GDF6: variants seen among roughly 807,000 people sequenced by gnomAD.
GDF6 encodes the protein growth/differentiation factor 6.
GDF6 carries 3 observed loss-of-function variants against 32.4 expected under a neutral mutation model. That is an observed-to-expected ratio of 0.09 (90% CI 0.04 to 0.24). The LOEUF is 0.24. GDF6 is among the 10% of genes least tolerant of loss of function. The pLI, the probability that GDF6 is intolerant of heterozygous loss-of-function variation, is 1.00. For synonymous variants in GDF6, 296 were observed against 295.3 expected (o/e 1.00, Z -0.03); for missense variants, 589 against 637.9 (o/e 0.92, Z 0.83).
chr8:96,156,297 C>T (rs1322915338), intron 1 of GDF6, among the ~76,000 whole-genome samples: 7 of 151,836 alleles, frequency 4.6e-5, no homozygotes, highest in Admixed American at 4.6e-4. Flanking sequence ...TGTTTTTTCT[C>T]CTTGTTGGAA....
chr8:96,157,656 G>A (rs1563513768), intron 1 of GDF6, among the ~76,000 whole-genome samples: 1 of 152,198 alleles, frequency 6.6e-6, no homozygotes, highest in Admixed American at 6.5e-5. Flanking sequence ...GGACCCTAGG[G>A]GGGTTGGCGC....
At chr8:96,151,453 A>G (rs1239941446) in intron 1 of GDF6, among the ~76,000 whole-genome samples, 5 of 152,230 alleles carry the variant, frequency 3.3e-5, no homozygotes, top group African/African-American at 9.6e-5. Flanking sequence ...AGAGTGGGCA[A>G]TCTGGCTCCA....
chr8:96,156,744 A>T (rs1319295510), intron 1 of GDF6, among the ~76,000 whole-genome samples: 1 of 152,232 alleles, frequency 6.6e-6, no homozygotes, highest in Non-Finnish European at 1.5e-5. Context: ...TAAGAACAGG[A>T]GGAAGCAAAG....
Position 96,145,588 on chromosome 8 carries a change from G to C in GDF6, c.407-64C>G. The C allele has an allele frequency of 6.3e-7, 1 of 1,589,560 alleles. No homozygotes were observed. Among genetic ancestry groups the C allele is most frequent in the Non-Finnish European group, 8.5e-7 (1 of 1,174,520 alleles). ...GGGGGAGATCAGCCCGGTGCTCTTC[G>C]GCCGCCCCGGGAGGAAAAGGGCGGG... On this transcript the variant is annotated intron_variant, in intron 1 of 1. Coordinates refer to ENST00000287020, the MANE Select transcript of GDF6 (RefSeq NM_001001557.4). This position sits in a 1 kb window ranked among gnomAD's most constrained non-coding sequence, Gnocchi z 5.6.
rs1407916932 is a variant in GDF6 at position 96,144,695 on chromosome 8, G to A, written c.1236C>T (p.Pro412=). 1.9e-6 allele frequency: 3 copies of A among 1,614,016 alleles called. No individual in the cohort carries two copies. Among genetic ancestry groups the A allele is most frequent in the African/African-American group, 2.7e-5 (2 of 74,928 alleles). ...IIQTLMNSMD[P]GSTPPSCCVP... ...CGCAGCAGCTGGGCGGGGTGGAGCC[G>A]GGGTCCATGGAGTTCATCAGCGTCT... Residue 412 remains proline (P), a synonymous_variant, in exon 2 of 2, where the codon CCC becomes CCT. Coordinates refer to ENST00000287020, the MANE Select transcript of GDF6 (RefSeq NM_001001557.4). This position sits in a 1 kb window ranked among gnomAD's most constrained non-coding sequence, Gnocchi z 5.1.
chr8:96,150,087 A>C (rs1812542310), intron 1 of GDF6, among the ~76,000 whole-genome samples: 1 of 152,202 alleles, frequency 6.6e-6, no homozygotes, highest in Admixed American at 6.5e-5. Flanking sequence ...ATATATACTC[A>C]GCTTGAGGTC....
At position 96,160,349 on chromosome 8, in the gene GDF6, G is replaced by A. The variant is rs1303849119; in HGVS notation, c.344C>T (p.Ala115Val). 3.1e-6 allele frequency: 5 copies of A among 1,614,070 alleles called. No homozygotes were observed. The highest frequency in any genetic ancestry group is 1.7e-5 in the Admixed American group (1 of 60,010). Residue 115 changes from alanine to valine, a missense_variant, in exon 1 of 2, where the codon GCC becomes GTC. Around this residue, in one of 2 missense-constraint regions of GDF6, gnomAD observed 436 missense variants for 411.2 expected, o/e 1.06. Transcript: ENST00000287020. Reference protein sequence around the residue: ...YSIAEKLGINASFFQSSKSAN... With the variant: ...YSIAEKLGINVSFFQSSKSAN... Reference sequence around the variant, plus strand: ...CGACTTGGAAGACTGGAAAAAGCTGGCATTGATGCCCAGCTTCTCAGCGAT... The same window carrying A: ...CGACTTGGAAGACTGGAAAAAGCTGACATTGATGCCCAGCTTCTCAGCGAT...
Position 96,145,717 on chromosome 8 carries a change from A to G in GDF6, c.407-193T>C, listed in dbSNP as rs2130209087. The stretch of plus-strand genomic sequence containing the variant: ...CATGGCGCGGGGAAGGGGGCGCGCC[A>G]GGACGGGCCCCCTCCTTCGCGTCAG... On this transcript the variant is annotated intron_variant, in intron 1 of 1. Coordinates refer to ENST00000287020, the MANE Select transcript of GDF6 (RefSeq NM_001001557.4). This position sits in a 1 kb window ranked among gnomAD's most constrained non-coding sequence, Gnocchi z 5.6. Among the ~76,000 whole-genome samples the G allele has an allele frequency of 6.6e-6, 1 of 152,216 alleles. No homozygotes were observed. The highest frequency in any genetic ancestry group is 2.4e-5 in the African/African-American group (1 of 41,570).
At position 96,145,104 on chromosome 8, in the gene GDF6, G is replaced by T; in HGVS notation, c.827C>A (p.Ala276Asp). 6.6e-7 allele frequency: 1 copy of T among 1,521,614 alleles called. No homozygotes were observed. The highest frequency in any genetic ancestry group is 1.2e-5 in the South Asian group (1 of 80,698). The allele number at this position is 1,521,614 out of a possible 1,614,324, so 94.3% of individuals were successfully genotyped here. A position where few individuals can be genotyped will look rare whatever the true frequency, so the allele number is the denominator to read the frequency against. ...GRRVRPPQER[A>D]LLVVFTRSQR... Reference sequence around the variant, plus strand: ...GGATCTGGTGAATACCACCAGCAGGGCCCGCTCCTGGGGAGGCCGCACCCT... The same window carrying T: ...GGATCTGGTGAATACCACCAGCAGGTCCCGCTCCTGGGGAGGCCGCACCCT... Residue 276 changes from alanine (A) to aspartate (D), a missense_variant, in exon 2 of 2, where the codon GCC becomes GAC. By Grantham distance (126) the Ala-to-Asp change is moderately radical. Coordinates refer to ENST00000287020, the MANE Select transcript of GDF6 (RefSeq NM_001001557.4). This position sits in a 1 kb window ranked among gnomAD's most constrained non-coding sequence, Gnocchi z 5.6.
At chr8:96,147,220 C>G (rs114267638) in intron 1 of GDF6, among the ~76,000 whole-genome samples, 1,884 of 152,270 alleles carry the variant, frequency 0.012, 33 homozygotes, top group African/African-American at 0.043. Flanking sequence ...TTCACTCTTA[C>G]GCACATGCCC....
chr8:96,150,837 C>T (rs1812556719), intron 1 of GDF6, among the ~76,000 whole-genome samples: 1 of 152,182 alleles, frequency 6.6e-6, no homozygotes, highest in African/African-American at 2.4e-5. Flanking sequence ...TGGGTTCCCC[C>T]AGGATTTTTT....
chr8:96,152,359 G>T (rs752911428), intron 1 of GDF6, among the ~76,000 whole-genome samples: 1 of 152,150 alleles, frequency 6.6e-6, no homozygotes, highest in Non-Finnish European at 1.5e-5. Context: ...TTCTGCAGGG[G>T]TCAAGGCCAG....
chr8:96,145,468 G>A lies in GDF6; in HGVS notation c.463C>T (p.Leu155Phe), dbSNP rs773615024. The A allele has an allele frequency of 6.3e-7, 1 of 1,597,924 alleles. No individual in the cohort carries two copies. The highest frequency in any genetic ancestry group is 2.2e-5 in the East Asian group (1 of 44,864). The change falls in exon 2 of 2, where the codon CTC becomes TTC. Residue 155 changes from leucine to phenylalanine, a missense_variant. Around this residue, in one of 2 missense-constraint regions of GDF6, gnomAD observed 436 missense variants for 411.2 expected, o/e 1.06. Transcript: ENST00000287020. This position sits in a 1 kb window ranked among gnomAD's most constrained non-coding sequence, Gnocchi z 5.6. ...RQKYLFDVSM[L>F]SDKEELVGAE... ...CCCACCAGCTCTTCTTTGTCTGAGA[G>A]CATGGACACATCAAACAAATACTTC...
chr8:96,156,850 T>C (rs1425669153), intron 1 of GDF6, among the ~76,000 whole-genome samples: 1 of 152,206 alleles, frequency 6.6e-6, no homozygotes, highest in Non-Finnish European at 1.5e-5. Context: ...GGAAAATCTT[T>C]CCATTTTTTG....
chr8:96,145,440 G>A lies in GDF6; in HGVS notation c.491C>T (p.Ala164Val), dbSNP rs778557602. The A allele has an allele frequency of 2.5e-6, 4 of 1,595,926 alleles. No individual in the cohort carries two copies. Among genetic ancestry groups the A allele is most frequent in the East Asian group, 4.5e-5 (2 of 44,864 alleles). The stretch of plus-strand genomic sequence containing the variant: ...CGCCTGGCGAAAGAGCCGCAGCTCC[G>A]CGCCCACCAGCTCTTCTTTGTCTGA... ...MLSDKEELVG[A>V]ELRLFRQAPS... Residue 164 changes from alanine (A) to valine (V), a missense_variant, in exon 2 of 2, where the codon GCG becomes GTG. Ala to Val is a moderately conservative substitution (Grantham distance 64). Coordinates refer to ENST00000287020, the MANE Select transcript of GDF6 (RefSeq NM_001001557.4). The surrounding 1 kb of genome is among the most constrained non-coding windows in gnomAD (Gnocchi z 5.6).
intron 1 of GDF6, among the ~76,000 whole-genome samples, chr8:96,156,202 A>T (rs1398018058): frequency 6.6e-6 from 1 of 152,250 alleles, no homozygotes; most frequent in East Asian, 1.9e-4. Flanking sequence ...AAAAAAGTAA[A>T]GGGTATTCTT....
Position 96,160,749 on chromosome 8 carries a change from G to A in GDF6, c.-57C>T, listed in dbSNP as rs1812748012. ...CGGTGGCGGCGGCGCAGGACGCGCG[G>A]GGCACGGAGCGGCTGGACAGCGGCC... On this transcript the variant is annotated 5_prime_UTR_variant, in exon 1 of 2. Transcript: ENST00000287020. The A allele has an allele frequency of 3.8e-6, 6 of 1,581,892 alleles. No homozygotes were observed. Among genetic ancestry groups the A allele is most frequent in the Non-Finnish European group, 5.2e-6 (6 of 1,156,250 alleles).
At position 96,160,709 on chromosome 8, in the gene GDF6, C is replaced by T. The variant is rs1177186421; in HGVS notation, c.-17G>A. 5.6e-6 allele frequency: 9 copies of T among 1,612,600 alleles called. No individual in the cohort carries two copies. In the South Asian group the frequency reaches 6.6e-5, roughly 12 times the overall value. ...AGTATCCATGGCGGGCAAGTGGCTGCGTCTCCCCAGGAGGCGGTGGCGGCG... is the reference window on the plus strand; with the variant it reads ...AGTATCCATGGCGGGCAAGTGGCTGTGTCTCCCCAGGAGGCGGTGGCGGCG... On this transcript the variant is annotated 5_prime_UTR_variant, in exon 1 of 2. Coordinates refer to ENST00000287020, the MANE Select transcript of GDF6 (RefSeq NM_001001557.4).
rs753555893 is a variant in GDF6, at chr8:96,144,774, A to G, written c.1157T>C (p.Val386Ala). ...GTGCGAGCGCAGCGGGAAGTCGCATACACCCTCGCAGTGATAGGCCTCGTA... is the reference window on the plus strand; with the variant it reads ...GTGCGAGCGCAGCGGGAAGTCGCATGCACCCTCGCAGTGATAGGCCTCGTA... Reference protein sequence around the residue: ...LEYEAYHCEGVCDFPLRSHLE... With the variant: ...LEYEAYHCEGACDFPLRSHLE... The change falls in exon 2 of 2, where the codon GTA becomes GCA. Residue 386 changes from valine (V) to alanine (A), a missense_variant. By Grantham distance (64) the Val-to-Ala change is moderately conservative (BLOSUM62 0). This residue lies in a region of GDF6 where 153 missense variants were observed against 226.7 expected (regional missense o/e 0.67). Transcript: ENST00000287020. This position sits in a 1 kb window ranked among gnomAD's most constrained non-coding sequence, Gnocchi z 5.1. 1 of 1,614,080 alleles carries G rather than the reference A, an allele frequency of 6.2e-7. No individual in the cohort carries two copies. Among genetic ancestry groups the G allele is most frequent in the South Asian group, 1.1e-5 (1 of 91,072 alleles).
Sources: gnomAD v4.1 joint callset for allele counts (sites outside exome capture counted in the v4.1 genomes callset) on GRCh38, gnomAD v4.1.1 for gene constraint, gnomAD v4.1.1 regional missense constraint, Gnocchi (gnomAD v3.1) non-coding constraint, MANE v1.5 for transcripts, NCBI Gene and HGNC (gene_info 2026-07-23, HGNC 2026-07-21) for gene names.